The following RBFOX1 variants were observed in gnomAD, a reference collection of about 807,000 sequenced individuals.
The protein encoded by RBFOX1 is RNA binding fox-1 homolog 1.
In RBFOX1, 8 loss-of-function variants were observed where a neutral mutation model predicts 57.7. That is an observed-to-expected ratio of 0.14 (90% CI 0.08 to 0.25). RBFOX1 has a LOEUF of 0.25. Among genes scored for constraint, RBFOX1 ranks in the 10% least tolerant of loss-of-function variants. The probability of loss-of-function intolerance (pLI) is 1.00; values close to 1 mark genes in which losing one functional copy is unlikely to be tolerated. For synonymous variants in RBFOX1, 326 were observed against 222.4 expected, an observed-to-expected ratio of 1.47 and a Z score of -4.15; for missense variants, 611 against 548.5, an observed-to-expected ratio of 1.11 and a Z score of -1.14.
chr16:6,306,968 A>G (rs1326444748), intron 1 of RBFOX1, among the ~76,000 whole-genome samples: 9 of 152,248 alleles, frequency 5.9e-5, no homozygotes, highest in African/African-American at 2.2e-4. Flanking sequence ...TCCTTTTGCT[A>G]GACATGAACC....
intron 4 of RBFOX1, among the ~76,000 whole-genome samples, chr16:7,473,471 C>G (rs2150991023): frequency 6.8e-6 from 1 of 147,428 alleles, no homozygotes. Flanking sequence ...GTCCTTTATA[C>G]ATAATATATA....
intron 2 of RBFOX1, among the ~76,000 whole-genome samples, chr16:6,500,013 C>A (rs2095868361): frequency 6.6e-6 from 1 of 152,086 alleles, no homozygotes; most frequent in African/African-American, 2.4e-5. Context: ...TTTCTAGAAA[C>A]CCTTATCACT....
chr16:6,122,796 G>A (rs951086122), intron 1 of RBFOX1, among the ~76,000 whole-genome samples: 13 of 110,094 alleles, frequency 1.2e-4, no homozygotes, highest in African/African-American at 4.1e-4. Context: ...GTGGCTATGT[G>A]TGTGTATGTG....
chr16:6,250,125 C>T (rs1248867882), intron 1 of RBFOX1, among the ~76,000 whole-genome samples: 1 of 152,156 alleles, frequency 6.6e-6, no homozygotes, highest in Non-Finnish European at 1.5e-5. Context: ...TCTGTGTTCT[C>T]TTCACCCTGC....
intron 3 of RBFOX1, among the ~76,000 whole-genome samples, chr16:6,976,296 A>G (rs1426920100): frequency 1.3e-5 from 2 of 152,196 alleles, no homozygotes; most frequent in East Asian, 3.9e-4. Context: ...ATTTGAACAC[A>G]GGCATTCTGG....
intron 3 of RBFOX1, among the ~76,000 whole-genome samples, chr16:6,740,835 C>T (rs557479071): frequency 4.5e-4 from 69 of 152,228 alleles, no homozygotes; most frequent in African/African-American, 1.6e-3. Context: ...TTCAAAATAT[C>T]AGCAGAGTTT....
intron 3 of RBFOX1, among the ~76,000 whole-genome samples, chr16:6,667,472 G>A (rs2098740050): frequency 6.6e-6 from 1 of 152,124 alleles, no homozygotes; most frequent in African/African-American, 2.4e-5. Context: ...AGATGCTCAA[G>A]CTCTTATATA....
intron 1 of RBFOX1, among the ~76,000 whole-genome samples, chr16:5,434,633 C>A (rs1295649872): frequency 6.6e-6 from 1 of 152,046 alleles, no homozygotes; most frequent in African/African-American, 2.4e-5. Flanking sequence ...TGTGAGTTCT[C>A]CTTCGTGCCT....
chr16:5,732,714 T>C (rs17138470), intron 3 of RBFOX1, among the ~76,000 whole-genome samples: 12,630 of 152,250 alleles, frequency 0.083, 1,014 homozygotes, highest in East Asian at 0.4. Context: ...ACCCATTTAC[T>C]TAACAATTAT....
intron 2 of RBFOX1, among the ~76,000 whole-genome samples, chr16:6,623,490 A>T (rs368946723): frequency 6.6e-6 from 1 of 151,658 alleles, no homozygotes; most frequent in Non-Finnish European, 1.5e-5. Context: ...CATGTGCACA[A>T]TGTGCAGGTT....
rs191211128 is a variant in RBFOX1 at position 6,351,620 on chromosome 16, C to T, written c.-64+34563C>T. Among the ~76,000 whole-genome samples, 11 of 151,928 alleles carry T rather than the reference C, an allele frequency of 7.2e-5. No homozygotes were observed. The East Asian group carries it at 1.7e-3, about 24-fold the overall frequency. On this transcript the variant is annotated intron_variant, in intron 2 of 15. Transcript: ENST00000550418. ...AACTCCTGACCTCAGGTGATCCGCC[C>T]GTCTTGGCCTCCCAAAATGTTGGGA...
intron 1 of RBFOX1, among the ~76,000 whole-genome samples, chr16:6,221,308 T>G (rs1307651742): frequency 6.6e-6 from 1 of 152,186 alleles, no homozygotes; most frequent in Non-Finnish European, 1.5e-5. Flanking sequence ...ACTGTATCAC[T>G]GCTGTTTAAT....
In RBFOX1 at chr16:6,031,916, A is replaced by C. The variant is rs546017613; in HGVS notation, c.-127+11924A>C. ...AGCCTTATGAACATATCTTCATAAC[A>C]CCATACAGTCTCACGAGAAAGGGGA... On this transcript the variant is annotated intron_variant, in intron 1 of 15. Transcript: ENST00000550418. Among the ~76,000 whole-genome samples the C allele has an allele frequency of 3.3e-5, 5 of 152,290 alleles. No individual in the cohort carries two copies. In the East Asian group the frequency reaches 9.7e-4, roughly 29 times the overall value.
chr16:6,230,216 A>T (rs74760441), intron 1 of RBFOX1, among the ~76,000 whole-genome samples: 3 of 151,736 alleles, frequency 2.0e-5, no homozygotes, highest in Non-Finnish European at 2.9e-5. Context: ...GATTGGAATG[A>T]GTTGATCTTT....
chr16:7,139,763 T>C (rs1166407160), intron 4 of RBFOX1, among the ~76,000 whole-genome samples: 2 of 152,154 alleles, frequency 1.3e-5, no homozygotes, highest in Non-Finnish European at 2.9e-5. Flanking sequence ...TTGGATTCTT[T>C]TTTTTTTAAG....
At chr16:5,303,883 C>A (rs1468034825) in intron 1 of RBFOX1, among the ~76,000 whole-genome samples, 1 of 152,016 alleles carries the variant, frequency 6.6e-6, no homozygotes, top group Non-Finnish European at 1.5e-5. Context: ...GGGAGGAGGC[C>A]CACACCCTGC....
chr16:5,242,323 T>C (rs1271513337), intron 1 of RBFOX1, among the ~76,000 whole-genome samples: 1 of 152,202 alleles, frequency 6.6e-6, no homozygotes, highest in African/African-American at 2.4e-5. Flanking sequence ...AAACCATCCT[T>C]GTTTCCTGAA....
intron 4 of RBFOX1, among the ~76,000 whole-genome samples, chr16:7,174,392 A>T (rs183315962): frequency 2.6e-5 from 4 of 152,110 alleles, no homozygotes; most frequent in African/African-American, 9.7e-5. Context: ...CTTGTTTCCA[A>T]GTTCTTGGGT....
chr16:6,001,229 C>A (rs1172381513), intron 4 of RBFOX1, among the ~76,000 whole-genome samples: 1 of 152,186 alleles, frequency 6.6e-6, no homozygotes, highest in East Asian at 1.9e-4. Context: ...CTGGAGCTCT[C>A]CAGTGGCTGA....
Sources: gnomAD v4.1 joint callset for allele counts (sites outside exome capture counted in the v4.1 genomes callset) on GRCh38, gnomAD v4.1.1 for gene constraint, MANE v1.5 for transcripts, NCBI Gene and HGNC (gene_info 2026-07-23, HGNC 2026-07-21) for gene names.